PARN: variants seen among roughly 807,000 people sequenced by gnomAD.
PARN encodes the protein poly(A)-specific ribonuclease.
PARN carries 71 observed loss-of-function variants against 102.8 expected under a neutral mutation model. The observed-to-expected ratio is 0.69, with a 90% CI of 0.57 to 0.84. The LOEUF is 0.84. PARN is among the 40% of genes least tolerant of loss of function. The pLI is 0.00. For synonymous variants in PARN, 261 were observed against 252.9 expected (o/e 1.03, Z -0.30); for missense variants, 782 against 760.9 (o/e 1.03, Z -0.33).
intron 5 of PARN, among the ~76,000 whole-genome samples, chr16:14,623,696 G>A (rs1446826799): frequency 6.6e-6 from 1 of 151,632 alleles, no homozygotes; most frequent in East Asian, 1.9e-4. Context: ...AATTAGCAGG[G>A]CGTGGTGGCA....
At chr16:14,491,521 TGA>T (rs1228710346) in intron 21 of PARN, among the ~76,000 whole-genome samples, 6 of 152,084 alleles carry the variant, frequency 3.9e-5, no homozygotes, top group Non-Finnish European at 8.8e-5. Flanking sequence ...CCCTGCACCT[TGA>T]GAGGCCCAGG....
intron 22 of PARN, among the ~76,000 whole-genome samples, chr16:14,460,202 T>C (rs1047382261): frequency 2.0e-5 from 3 of 152,162 alleles, no homozygotes; most frequent in Admixed American, 6.5e-5. Context: ...TCAATAAGAT[T>C]TGCCTCCACA....
chr16:14,577,765 T>C (rs1969235646), intron 18 of PARN, among the ~76,000 whole-genome samples: 1 of 152,162 alleles, frequency 6.6e-6, no homozygotes, highest in Non-Finnish European at 1.5e-5. Flanking sequence ...CCTCCTGGGT[T>C]CAAGCAATTC....
chr16:14,507,482 G>A (rs762226558), intron 21 of PARN, among the ~76,000 whole-genome samples: 2 of 151,912 alleles, frequency 1.3e-5, no homozygotes, highest in Non-Finnish European at 2.9e-5. Flanking sequence ...GCATAGCTTG[G>A]GCCCAGGAGT....
rs2151794044 is a variant in PARN, at chr16:14,608,335, A to G, written c.621-16T>C. On this transcript the variant is annotated splice_polypyrimidine_tract_variant and intron_variant, in intron 8 of 23. Coordinates refer to ENST00000437198, the MANE Select transcript of PARN (RefSeq NM_002582.4). ...TCTTTGGAACCTATAAAAACAAAAG[A>G]AAAGGTATTGATTTTGGCTCATTAG... is the stretch of plus-strand genomic sequence containing the variant. 1 of 1,499,136 alleles carries G rather than the reference A, an allele frequency of 6.7e-7. No homozygotes were observed. Among genetic ancestry groups the G allele is most frequent in the Non-Finnish European group, 9.1e-7 (1 of 1,104,290 alleles). 92.9% of individuals were successfully genotyped at this position (1,499,136 alleles called of 1,614,324 possible). A position where few individuals can be genotyped will look rare whatever the true frequency, so the allele number is the denominator to read the frequency against.
At chr16:14,570,483 C>T (rs1047634828) in intron 18 of PARN, among the ~76,000 whole-genome samples, 6 of 151,470 alleles carry the variant, frequency 4.0e-5, no homozygotes, top group African/African-American at 1.5e-4. Context: ...AACCCTGTCT[C>T]TACTAAAAGT....
intron 16 of PARN, among the ~76,000 whole-genome samples, chr16:14,583,025 G>A (rs1459079090): frequency 6.6e-6 from 1 of 152,110 alleles, no homozygotes; most frequent in Non-Finnish European, 1.5e-5. Flanking sequence ...CTTAGAGATC[G>A]AAAGGTGACA....
At chr16:14,588,450 G>A (rs1216350049) in intron 13 of PARN, among the ~76,000 whole-genome samples, 1 of 152,238 alleles carries the variant, frequency 6.6e-6, no homozygotes, top group Non-Finnish European at 1.5e-5. Context: ...AAAACTGGCA[G>A]TCGGGAGATA....
At chr16:14,494,248 T>C (rs991358513) in intron 21 of PARN, among the ~76,000 whole-genome samples, 42 of 152,308 alleles carry the variant, frequency 2.8e-4, no homozygotes, top group Admixed American at 1.8e-3. Context: ...TATTCATCTA[T>C]CCATTCATTC....
intron 5 of PARN, among the ~76,000 whole-genome samples, chr16:14,618,503 A>C (rs1182219419): frequency 6.6e-6 from 1 of 151,394 alleles, no homozygotes; most frequent in Non-Finnish European, 1.5e-5. Context: ...CAAAAAAAAA[A>C]AAAAAAAATT....
chr16:14,584,019 G>C (rs1253336834), intron 16 of PARN, among the ~76,000 whole-genome samples: 1 of 152,124 alleles, frequency 6.6e-6, no homozygotes, highest in African/African-American at 2.4e-5. Flanking sequence ...CTAGCTCTTT[G>C]TCTCTGCTTC....
intron 23 of PARN, among the ~76,000 whole-genome samples, chr16:14,444,200 C>T (rs1596426686): frequency 6.6e-6 from 1 of 152,162 alleles, no homozygotes; most frequent in South Asian, 2.1e-4. Flanking sequence ...CATTAAGTTT[C>T]CACCTGGCAC....
intron 12 of PARN, among the ~76,000 whole-genome samples, chr16:14,597,472 G>A (rs570122181): frequency 2.6e-5 from 4 of 151,930 alleles, no homozygotes; most frequent in African/African-American, 7.2e-5. Flanking sequence ...CAAGGCAGGC[G>A]GATCACGAGG....
At chr16:14,471,823 A>G (rs779521127) in intron 22 of PARN, among the ~76,000 whole-genome samples, 2 of 152,188 alleles carry the variant, frequency 1.3e-5, no homozygotes, top group Non-Finnish European at 2.9e-5. Flanking sequence ...ATAGCTAAGG[A>G]GCAGAATTTA....
At chr16:14,533,273 G>C (rs142309238) in intron 21 of PARN, among the ~76,000 whole-genome samples, 25,120 of 152,102 alleles carry the variant, frequency 0.17, 2,547 homozygotes, top group Middle Eastern at 0.27. Flanking sequence ...AGGCGTGGCG[G>C]CGCGCGCCTG....
At chr16:14,479,385 T>C (rs183748471) in intron 22 of PARN, among the ~76,000 whole-genome samples, 1 of 151,786 alleles carries the variant, frequency 6.6e-6, no homozygotes, top group East Asian at 1.9e-4. Context: ...CATGCTACTG[T>C]ACTCTACCCT....
intron 22 of PARN, among the ~76,000 whole-genome samples, chr16:14,452,936 T>C (rs1961525675): frequency 6.6e-6 from 1 of 152,222 alleles, no homozygotes; most frequent in Non-Finnish European, 1.5e-5. Flanking sequence ...TGTGATTCTT[T>C]ATATATTTGG....
At chr16:14,485,176 G>A (rs1963600158) in intron 21 of PARN, among the ~76,000 whole-genome samples, 1 of 152,210 alleles carries the variant, frequency 6.6e-6, no homozygotes, top group African/African-American at 2.4e-5. Context: ...AGCGGTGAAA[G>A]CAGGCAGTTC....
chr16:14,551,387 C>T (rs922982080), intron 21 of PARN, among the ~76,000 whole-genome samples: 2 of 151,744 alleles, frequency 1.3e-5, no homozygotes, highest in Admixed American at 1.3e-4. Flanking sequence ...CGGCCAACAT[C>T]GTGAAACCCC....
Sources: gnomAD v4.1 joint callset for allele counts (sites outside exome capture counted in the v4.1 genomes callset) on GRCh38, gnomAD v4.1.1 for gene constraint, MANE v1.5 for transcripts, NCBI Gene and HGNC (gene_info 2026-07-23, HGNC 2026-07-21) for gene names.